The following PTPRK variants were observed in gnomAD, a reference collection of about 807,000 sequenced individuals.
PTPRK encodes receptor-type tyrosine-protein phosphatase kappa.
A neutral mutation model predicts 178.0 loss-of-function variants in PTPRK; 75 were observed. The observed-to-expected ratio is 0.42, with a 90% CI of 0.35 to 0.51. The LOEUF is 0.51. Among genes scored for constraint, PTPRK ranks in the 20% least tolerant of loss-of-function variants. The pLI is 0.02. For missense variants in PTPRK, 1,441 were observed against 1,797.8 expected (o/e 0.80, Z 3.59); for synonymous variants, 637 against 620.6 (o/e 1.03, Z -0.39).
At chr6:128,417,155 CT>C (rs1052427000) in intron 1 of PTPRK, among the ~76,000 whole-genome samples, 5 of 151,326 alleles carry the variant, frequency 3.3e-5, no homozygotes, top group Admixed American at 6.6e-5. Context: ...AAAGTAATTC[CT>C]TTTTTTTCTT....
rs537683510 is a variant in PTPRK, at chr6:128,032,802, C to G, written c.2195-23534G>C. 2.6e-5 allele frequency among the ~76,000 whole-genome samples: 4 copies of G among 152,152 alleles called. 1 individual carries two copies. The South Asian group carries it at 8.3e-4, about 32-fold the overall frequency. On this transcript the variant is annotated intron_variant, in intron 13 of 29. Coordinates refer to ENST00000368226, the MANE Select transcript of PTPRK (RefSeq NM_002844.4). Reference sequence around the variant, plus strand: ...ACAGACACAGACATGGTTACTGAAGCAGTATCAGCTTAGTGCATATTATAT... The same window carrying G: ...ACAGACACAGACATGGTTACTGAAGGAGTATCAGCTTAGTGCATATTATAT...
At chr6:128,178,861 T>C (rs1801492993) in intron 7 of PTPRK, among the ~76,000 whole-genome samples, 1 of 151,960 alleles carries the variant, frequency 6.6e-6, no homozygotes, top group Non-Finnish European at 1.5e-5. Context: ...TTCTCTTTCT[T>C]TTCTAATAAC....
At chr6:128,319,043 T>C (rs944506012) in intron 3 of PTPRK, among the ~76,000 whole-genome samples, 1 of 152,172 alleles carries the variant, frequency 6.6e-6, no homozygotes, top group African/African-American at 2.4e-5. Context: ...TTGTTCCTTA[T>C]ATGTTAGTGG....
At chr6:128,094,374 G>C (rs567980192) in intron 7 of PTPRK, among the ~76,000 whole-genome samples, 1 of 152,152 alleles carries the variant, frequency 6.6e-6, no homozygotes, top group Non-Finnish European at 1.5e-5. Flanking sequence ...AAGTAAGGAG[G>C]GGGACAGCAG....
intron 6 of PTPRK, among the ~76,000 whole-genome samples, chr6:128,187,215 G>T (rs1238868397): frequency 6.6e-6 from 1 of 151,956 alleles, no homozygotes; most frequent in Non-Finnish European, 1.5e-5. Flanking sequence ...GAGAGCAAAA[G>T]ATGAGAGAGG....
At chr6:128,110,727 A>G (rs1178877364) in intron 7 of PTPRK, among the ~76,000 whole-genome samples, 2 of 152,184 alleles carry the variant, frequency 1.3e-5, no homozygotes, top group Admixed American at 1.3e-4. Context: ...GATCAAAAAC[A>G]GTGAATATAA....
At position 127,973,071 on chromosome 6, in the gene PTPRK, T is replaced by A; in HGVS notation, c.4220A>T (p.His1407Leu). The A allele has an allele frequency of 6.2e-7, 1 of 1,614,128 alleles. No individual in the cohort carries two copies. The highest frequency in any genetic ancestry group is 1.3e-5 in the African/African-American group (1 of 75,032). Reference sequence around the variant, plus strand: ...GCTGTTCCTCAGTGTCTTTACTGCATGGAAAACATCGACAACATTTTGCCG... The same window carrying A: ...GCTGTTCCTCAGTGTCTTTACTGCAAGGAAAACATCGACAACATTTTGCCG... ...VKRQNVVDVF[H>L]AVKTLRNSKP... The change falls in exon 29 of 30, where the codon CAT (histidine) becomes CTT (leucine). Residue 1407 changes from histidine (H) to leucine (L), a missense_variant. Transcript: ENST00000368226.
intron 6 of PTPRK, among the ~76,000 whole-genome samples, chr6:128,212,938 GA>G (rs1808483304): frequency 6.6e-6 from 1 of 151,948 alleles, no homozygotes; most frequent in Admixed American, 6.6e-5. Flanking sequence ...AAAATTAATA[GA>G]AAAAAGTATT....
At chr6:127,983,927 G>C (rs552210007) in intron 22 of PTPRK, among the ~76,000 whole-genome samples, 5 of 143,784 alleles carry the variant, frequency 3.5e-5, no homozygotes, top group African/African-American at 1.3e-4. Context: ...AGAGAATGAC[G>C]GTTATCAAAG....
intron 6 of PTPRK, among the ~76,000 whole-genome samples, 182 bp from the exon 7 acceptor site, chr6:128,184,907 A>T (rs17055419): frequency 0.018 from 2,761 of 152,316 alleles, 76 homozygotes; most frequent in African/African-American, 0.062. Flanking sequence ...ATAATTTTGC[A>T]AGTGCATATG....
intron 6 of PTPRK, among the ~76,000 whole-genome samples, chr6:128,186,623 A>G (rs1802808574): frequency 6.6e-6 from 1 of 152,136 alleles, no homozygotes; most frequent in Non-Finnish European, 1.5e-5. Flanking sequence ...AGTTATTCAC[A>G]AAAGAAAAAA....
At chr6:128,423,035 C>A (rs1843684177) in intron 1 of PTPRK, among the ~76,000 whole-genome samples, 2 of 152,308 alleles carry the variant, frequency 1.3e-5, no homozygotes, top group Non-Finnish European at 2.9e-5. Context: ...TAATTTTAGT[C>A]TCTTGTTCTT....
In PTPRK at chr6:128,493,591, TACACACACACACACACACACACACACAC is replaced by T. The variant is rs59656384; in HGVS notation, c.100+26640_100+26667del. ...AAAAAAAAAAGTACCTCCCGCCCCC[TACACACACACACACACACACACACACAC>T]ACACACACACACACACACACACACA... is the stretch of plus-strand genomic sequence containing the variant. On this transcript the variant is annotated intron_variant, in intron 1 of 29. Transcript: ENST00000368226. 9.8e-3 allele frequency among the ~76,000 whole-genome samples: 1,218 copies of T among 124,030 alleles called. 7 individuals are homozygous for T. The highest frequency in any genetic ancestry group is 0.015 in the Non-Finnish European group (901 of 61,154). The allele number at this position is 124,030 out of a possible 152,430, so 81.4% of individuals were successfully genotyped here. A position where few individuals can be genotyped will look rare whatever the true frequency, so the allele number is the denominator to read the frequency against.
chr6:128,440,059 G>A (rs571199921), intron 1 of PTPRK, among the ~76,000 whole-genome samples: 1 of 152,296 alleles, frequency 6.6e-6, no homozygotes, highest in South Asian at 2.1e-4. Flanking sequence ...CAGTATTTGT[G>A]AGACTCAAAA....
chr6:128,371,291 G>A (rs529294389), intron 2 of PTPRK, among the ~76,000 whole-genome samples: 2 of 152,126 alleles, frequency 1.3e-5, no homozygotes, highest in African/African-American at 2.4e-5. Flanking sequence ...AAAACAAACG[G>A]CTACTTCAAT....
intron 2 of PTPRK, among the ~76,000 whole-genome samples, chr6:128,354,110 TAAA>T (rs1833571355): frequency 6.6e-6 from 1 of 152,066 alleles, no homozygotes; most frequent in African/African-American, 2.4e-5. Flanking sequence ...TTTTCTTGGT[TAAA>T]TATACCGTAA....
At chr6:128,332,418 G>A (rs1252808306) in intron 2 of PTPRK, among the ~76,000 whole-genome samples, 3 of 152,040 alleles carry the variant, frequency 2.0e-5, no homozygotes, top group Non-Finnish European at 2.9e-5. Flanking sequence ...TCTCTGTCTT[G>A]TTTCCTCATC....
At chr6:128,321,416 G>A (rs1374103065) in intron 3 of PTPRK, 1 of 213,826 alleles carries the variant, frequency 4.7e-6, no homozygotes, top group Non-Finnish European at 9.1e-6. Flanking sequence ...TGACACTATT[G>A]ATTGTCTGAT....
chr6:128,172,191 T>C (rs1472763638), intron 7 of PTPRK, among the ~76,000 whole-genome samples: 2 of 151,982 alleles, frequency 1.3e-5, no homozygotes, highest in Non-Finnish European at 2.9e-5. Context: ...CTGGAACAGC[T>C]TAGGGAATGA....
Sources: allele counts gnomAD v4.1 joint callset (sites outside exome capture counted in the v4.1 genomes callset), GRCh38; gene constraint gnomAD v4.1.1; transcripts MANE v1.5; gene names NCBI Gene and HGNC (gene_info 2026-07-23, HGNC 2026-07-21).